Variants in FBXW8 observed in about 807,000 individuals in gnomAD.
The protein encoded by FBXW8 is F-box and WD repeat domain containing 8.
In FBXW8, 57 loss-of-function variants were observed where a neutral mutation model predicts 65.3. The ratio of observed to expected loss-of-function variants is 0.87; its 90% confidence interval spans 0.71 to 1.09. The LOEUF (loss-of-function observed/expected upper bound fraction) is 1.09. Ranked by LOEUF, FBXW8 falls within the 50% of genes least tolerant of loss-of-function variation. The pLI, the probability that FBXW8 is intolerant of heterozygous loss-of-function variation, is 0.00. For missense variants in FBXW8, 777 were observed against 814.8 expected (o/e 0.95, Z 0.57); for synonymous variants, 308 against 330.2 (o/e 0.93, Z 0.73).
intron 1 of FBXW8, among the ~76,000 whole-genome samples, chr12:116,915,640 CTTT>C (rs57687048): frequency 5.7e-4 from 44 of 77,116 alleles, no homozygotes; most frequent in South Asian, 1.6e-3. Context: ...CACCTGACTA[CTTT>C]TTTTTTTTTT....
intron 2 of FBXW8, among the ~76,000 whole-genome samples, chr12:116,934,256 T>C (rs961709335): frequency 6.6e-6 from 1 of 152,166 alleles, no homozygotes; most frequent in African/African-American, 2.4e-5. Context: ...GTGTGTACTT[T>C]TGATGCTGAG....
chr12:117,026,541 T>G (rs1217869457), intron 9 of FBXW8, among the ~76,000 whole-genome samples: 1 of 152,062 alleles, frequency 6.6e-6, no homozygotes, highest in Admixed American at 6.5e-5. Context: ...AAGAATCCTT[T>G]GCTTTAGTCA....
At chr12:116,969,878 C>T (rs1361773789) in intron 5 of FBXW8, among the ~76,000 whole-genome samples, 1 of 152,026 alleles carries the variant, frequency 6.6e-6, no homozygotes, top group Non-Finnish European at 1.5e-5. Flanking sequence ...TTTTTGAATT[C>T]CAACCCTCTG....
intron 4 of FBXW8, among the ~76,000 whole-genome samples, chr12:116,958,325 CA>C (rs1206620158): frequency 2.0e-5 from 3 of 151,982 alleles, no homozygotes; most frequent in Non-Finnish European, 4.4e-5. Flanking sequence ...GAAGAAATAC[CA>C]AAGAAGCAAA....
intron 2 of FBXW8, among the ~76,000 whole-genome samples, chr12:116,943,421 T>A (rs1451510331): frequency 6.6e-6 from 1 of 152,250 alleles, no homozygotes; most frequent in Non-Finnish European, 1.5e-5. Context: ...GGAATAATTC[T>A]CTAATTTGTA....
chr12:116,990,838 A>ACC, intron 7 of FBXW8, among the ~76,000 whole-genome samples: 1 of 152,186 alleles, frequency 6.6e-6, no homozygotes, highest in Non-Finnish European at 1.5e-5. Context: ...AATTTTGTGA[A>ACC]AAATCCTTGG....
intron 7 of FBXW8, among the ~76,000 whole-genome samples, 162 bp from the exon 8 acceptor site, chr12:117,010,161 A>T (rs1953768854): frequency 6.6e-6 from 1 of 152,168 alleles, no homozygotes; most frequent in African/African-American, 2.4e-5. Context: ...CCATGTCCCT[A>T]TACTATCAGT....
At position 116,945,375 on chromosome 12, in the gene FBXW8, G is replaced by A. The variant is rs376401839; in HGVS notation, c.435G>A (p.Thr145=). The A allele has an allele frequency of 1.7e-5, 27 of 1,612,432 alleles. No individual in the cohort carries two copies. Among genetic ancestry groups the A allele is most frequent in the Admixed American group, 1.0e-4 (6 of 59,926 alleles). The part of the protein sequence containing the change: ...ELGRCAQVSK[T]WKVIAEDEVL... ...TTCTGCTGTTTTAGGTGAGCAAGACGTGGAAGGTGATTGCAGAGGATGAGG... is the reference window on the plus strand; with the variant it reads ...TTCTGCTGTTTTAGGTGAGCAAGACATGGAAGGTGATTGCAGAGGATGAGG... The change falls in exon 3 of 11, where the codon ACG becomes ACA. Residue 145 remains threonine (T), a synonymous_variant. Coordinates refer to ENST00000652555, the MANE Select transcript of FBXW8 (RefSeq NM_153348.3).
intron 5 of FBXW8, among the ~76,000 whole-genome samples, chr12:116,979,837 C>A (rs1885186547): frequency 6.6e-6 from 1 of 151,476 alleles, no homozygotes; most frequent in Admixed American, 6.6e-5. Flanking sequence ...CAAGTAGAAC[C>A]TCCCTTTGTG....
intron 7 of FBXW8, among the ~76,000 whole-genome samples, chr12:116,993,082 A>G (rs1953287477): frequency 7.0e-6 from 1 of 142,136 alleles, no homozygotes; most frequent in Non-Finnish European, 1.5e-5. Context: ...CCATACCAAC[A>G]TCTATTGATT....
chr12:117,030,483 G>A lies in FBXW8; in HGVS notation c.*2311G>A, dbSNP rs1351750845. The A allele has an allele frequency of 6.6e-6, 1 of 152,188 alleles. No homozygotes were observed. The highest frequency in any genetic ancestry group is 6.5e-5 in the Admixed American group (1 of 15,276). 9.4% of individuals were successfully genotyped at this position (152,188 alleles called of 1,614,324 possible). On this transcript the variant is annotated 3_prime_UTR_variant, in exon 11 of 11. Coordinates refer to ENST00000652555, the MANE Select transcript of FBXW8 (RefSeq NM_153348.3). ...GCCCTTTCTCTCTCATAGTCTTAAT[G>A]CGTCTGGACCACTGGGGAAAATATT...
At chr12:116,984,730 C>T (rs1281372791) in intron 5 of FBXW8, among the ~76,000 whole-genome samples, 2 of 152,184 alleles carry the variant, frequency 1.3e-5, no homozygotes, top group East Asian at 3.8e-4. Context: ...TTGGCTCACA[C>T]GTGTAATTCC....
At chr12:116,912,534 A>G (rs1174012330) in intron 1 of FBXW8, among the ~76,000 whole-genome samples, 1 of 141,124 alleles carries the variant, frequency 7.1e-6, no homozygotes, top group Non-Finnish European at 1.5e-5. Context: ...ATCTCGGCTC[A>G]CTGCAAGTTC....
chr12:116,937,237 G>A (rs1263931918), intron 2 of FBXW8, among the ~76,000 whole-genome samples: 1 of 152,204 alleles, frequency 6.6e-6, no homozygotes, highest in Non-Finnish European at 1.5e-5. Context: ...CTCATTGGTT[G>A]TGAGGTTGAG....
Position 117,027,250 on chromosome 12 carries a change from C to T in FBXW8, c.1542-144C>T, listed in dbSNP as rs373380437. The stretch of plus-strand genomic sequence containing the variant: ...GGGAACTGAGGTGAGACACTGCTTC[C>T]ATGGGGGCCCTGTTCCCTCTGTGAA... On this transcript the variant is annotated intron_variant, in intron 9 of 10. Transcript: ENST00000652555. 1.2e-5 allele frequency: 8 copies of T among 663,124 alleles called. No individual in the cohort carries two copies. In the East Asian group the frequency reaches 1.6e-4, roughly 13 times the overall value. 41.1% of individuals were successfully genotyped at this position (663,124 alleles called of 1,614,324 possible).
At position 117,004,026 on chromosome 12, in the gene FBXW8, C is replaced by G. The variant is rs572882282; in HGVS notation, c.1240-6297C>G. 3.9e-5 allele frequency among the ~76,000 whole-genome samples: 6 copies of G among 152,310 alleles called. No individual in the cohort carries two copies. The South Asian group carries it at 1.2e-3, about 32-fold the overall frequency. On this transcript the variant is annotated intron_variant, in intron 7 of 10. Coordinates refer to ENST00000652555, the MANE Select transcript of FBXW8 (RefSeq NM_153348.3). ...ATGTATCGCGATGCTCTGCGTGGAG[C>G]TCAGGGGAGGTGTGCATGAAGGCAG...
At chr12:116,935,631 ACT>A (rs749933312) in intron 2 of FBXW8, among the ~76,000 whole-genome samples, 1 of 152,196 alleles carries the variant, frequency 6.6e-6, no homozygotes, top group Non-Finnish European at 1.5e-5. Flanking sequence ...AGGCAAAATC[ACT>A]CTAAAAAACA....
chr12:116,949,630 G>A lies in FBXW8; in HGVS notation c.601G>A (p.Ala201Thr), dbSNP rs758133267. Residue 201 changes from alanine to threonine, a missense_variant, in exon 4 of 11, where the codon GCC becomes ACC. Ala to Thr is a moderately conservative substitution (Grantham distance 58). Coordinates refer to ENST00000652555, the MANE Select transcript of FBXW8 (RefSeq NM_153348.3). Reference sequence around the variant, plus strand: ...TTTCCTCACGCAGAATCGCAAAGGTGCCGTGAGCGAGCTGGAGCATGTTCC... The same window carrying A: ...TTTCCTCACGCAGAATCGCAAAGGTACCGTGAGCGAGCTGGAGCATGTTCC... ...LRTNWKNRKG[A>T]VSELEHVPDT... 3.7e-5 allele frequency: 59 copies of A among 1,614,094 alleles called. No individual in the cohort carries two copies. The highest frequency in any genetic ancestry group is 4.7e-5 in the Non-Finnish European group (56 of 1,180,042).
chr12:117,027,906 C>G (rs763806986), intron 10 of FBXW8, 122 bp from the exon 11 acceptor site: 9 of 1,312,894 alleles, frequency 6.9e-6, no homozygotes, highest in Non-Finnish European at 9.4e-6. Flanking sequence ...GCCCAGAGAA[C>G]GCGTTTGTGA....
Sources: gnomAD v4.1 joint callset for allele counts (sites outside exome capture counted in the v4.1 genomes callset) on GRCh38, gnomAD v4.1.1 for gene constraint, MANE v1.5 for transcripts, NCBI Gene and HGNC (gene_info 2026-07-23, HGNC 2026-07-21) for gene names.